The following TRAPPC3 variants were observed in gnomAD, a reference collection of about 807,000 sequenced individuals.
TRAPPC3 encodes trafficking protein particle complex subunit 3, also known as trafficking protein particle complex 3.
In TRAPPC3, 5 loss-of-function variants were observed where a neutral mutation model predicts 18.2. The ratio of observed to expected loss-of-function variants is 0.28; its 90% confidence interval spans 0.14 to 0.58. The LOEUF is 0.58. Ranked by LOEUF, TRAPPC3 falls within the 20% of genes least tolerant of loss-of-function variation. The pLI is 0.91. For missense variants in TRAPPC3, 176 were observed against 225.9 expected (o/e 0.78, Z 1.41); for synonymous variants, 65 against 84.2 (o/e 0.77, Z 1.25).
rs1170581737 is a variant in TRAPPC3 at position 36,145,979 on chromosome 1, C to T, written c.42+3358G>A. Among the ~76,000 whole-genome samples, 3 of 151,710 alleles carry T rather than the reference C, an allele frequency of 2.0e-5. No homozygotes were observed. In the East Asian group the frequency reaches 5.8e-4, roughly 30 times the overall value. On this transcript the variant is annotated intron_variant, in intron 1 of 4. Coordinates refer to ENST00000373166, the MANE Select transcript of TRAPPC3 (RefSeq NM_014408.5). ...ATTTTTAGTAGAGACAGGGTTTCACCGTGTTAGCCAGGATGGTCTCGATCT... is the reference window on the plus strand; with the variant it reads ...ATTTTTAGTAGAGACAGGGTTTCACTGTGTTAGCCAGGATGGTCTCGATCT...
intron 2 of TRAPPC3, 62 bp downstream of exon 2, chr1:36,140,007 A>G: frequency 6.7e-7 from 1 of 1,491,560 alleles, no homozygotes; most frequent in Non-Finnish European, 9.1e-7. Flanking sequence ...TCTAAAGGAC[A>G]ATGTAGACTC....
At chr1:36,140,614 A>G (rs1240684305) in intron 1 of TRAPPC3, 1 of 153,450 alleles carries the variant, frequency 6.5e-6, no homozygotes, top group Non-Finnish European at 1.5e-5. Flanking sequence ...GGCCTAGAGT[A>G]AACTGTACTC....
chr1:36,140,296 C>A, intron 1 of TRAPPC3, 130 bp from the exon 2 acceptor site: 1 of 584,162 alleles, frequency 1.7e-6, no homozygotes, highest in Non-Finnish European at 2.8e-6. Flanking sequence ...AACATCATCC[C>A]CTTTGGAGGA....
At chr1:36,146,418 T>G (rs1471339679) in intron 1 of TRAPPC3, among the ~76,000 whole-genome samples, 1 of 151,352 alleles carries the variant, frequency 6.6e-6, no homozygotes, top group Non-Finnish European at 1.5e-5. Flanking sequence ...TGCCTCAGCC[T>G]CCTGAGTAGC....
chr1:36,153,243 C>G (rs1644284707), upstream of TRAPPC3, among the ~76,000 whole-genome samples: 1 of 152,190 alleles, frequency 6.6e-6, no homozygotes, highest in African/African-American at 2.4e-5. Context: ...GCCCCAAACT[C>G]AGAGAGAGAC....
intron 1 of TRAPPC3, among the ~76,000 whole-genome samples, chr1:36,144,289 C>CAAAAAAAAAA (rs58378686): frequency 1.0e-4 from 6 of 57,472 alleles, no homozygotes; most frequent in African/African-American, 3.6e-4. Flanking sequence ...ACCCTGTCTC[C>CAAAAAAAAAA]AAAAAAAAAA....
upstream of TRAPPC3, among the ~76,000 whole-genome samples, chr1:36,150,227 T>C (rs1417299389): frequency 6.6e-6 from 1 of 152,214 alleles, no homozygotes; most frequent in African/African-American, 2.4e-5. Flanking sequence ...TCAGTTGTTG[T>C]AAAGACTGGT....
upstream of TRAPPC3, among the ~76,000 whole-genome samples, chr1:36,149,950 CCTA>C (rs1403508889): frequency 6.6e-6 from 1 of 152,216 alleles, no homozygotes; most frequent in Admixed American, 6.5e-5. Context: ...TATTTAATGA[CCTA>C]CTATGTGCCA....
intron 1 of TRAPPC3, among the ~76,000 whole-genome samples, chr1:36,141,958 CAAAAAAAAAAAAA>C (rs71053907): frequency 0.03 from 1,919 of 64,368 alleles, 66 homozygotes; most frequent in African/African-American, 0.11. Flanking sequence ...ATTCCGTCTC[CAAAAAAAAAAAAA>C]AAAAAAAAAA....
At chr1:36,149,135 G>C in intron 1 of TRAPPC3, 1 of 1,451,872 alleles carries the variant, frequency 6.9e-7, no homozygotes, top group Admixed American at 2.6e-5. Context: ...TCAGGCCTTG[G>C]GGGCGGGGTC....
chr1:36,151,668 A>G (rs1644272550), upstream of TRAPPC3, among the ~76,000 whole-genome samples: 1 of 152,176 alleles, frequency 6.6e-6, no homozygotes, highest in Non-Finnish European at 1.5e-5. Context: ...GATTCTCAGT[A>G]TGGTTTCCAT....
upstream of TRAPPC3, among the ~76,000 whole-genome samples, chr1:36,150,248 T>C (rs1395783807): frequency 6.6e-6 from 1 of 152,244 alleles, no homozygotes; most frequent in Admixed American, 6.5e-5. Flanking sequence ...GAGCCACGCA[T>C]GCCCAGCACT....
upstream of TRAPPC3, among the ~76,000 whole-genome samples, chr1:36,151,753 C>T (rs1454779590): frequency 1.3e-5 from 2 of 152,194 alleles, no homozygotes; most frequent in East Asian, 3.8e-4. Context: ...CCCCTCACCA[C>T]CCTCTTCTCC....
intron 1 of TRAPPC3, among the ~76,000 whole-genome samples, chr1:36,143,683 C>T (rs896279406): frequency 2.0e-5 from 3 of 152,148 alleles, no homozygotes; most frequent in East Asian, 1.9e-4. Flanking sequence ...ATAACAACCA[C>T]GAGAGGTTAG....
At chr1:36,153,581 G>A (rs1181518508), upstream of TRAPPC3, among the ~76,000 whole-genome samples, 1 of 152,172 alleles carries the variant, frequency 6.6e-6, no homozygotes, top group Non-Finnish European at 1.5e-5. Flanking sequence ...CTGACATTTT[G>A]CACCTGAGAA....
rs748978064 is a variant in TRAPPC3 at position 36,149,424 on chromosome 1, G to A, written c.-46C>T. 34 of 1,607,792 alleles carry A rather than the reference G, an allele frequency of 2.1e-5. No individual in the cohort carries two copies. Among genetic ancestry groups the A allele is most frequent in the Non-Finnish European group, 2.6e-5 (31 of 1,178,174 alleles). The stretch of plus-strand genomic sequence containing the variant: ...ACTCGCCTAGCCACGGGTTAGCTCG[G>A]CGACCCCTGCAGACGCCGGAGCCTA... On this transcript the variant is annotated 5_prime_UTR_variant, in exon 1 of 5. Coordinates refer to ENST00000373166, the MANE Select transcript of TRAPPC3 (RefSeq NM_014408.5).
At chr1:36,152,726 C>T (rs985524972), upstream of TRAPPC3, among the ~76,000 whole-genome samples, 7 of 152,156 alleles carry the variant, frequency 4.6e-5, no homozygotes, top group African/African-American at 1.7e-4. Flanking sequence ...ACATGGCTCA[C>T]TGCAGCCTTG....
chr1:36,137,275 T>C lies in TRAPPC3; in HGVS notation c.471A>G (p.Gly157=), dbSNP rs774683677. Residue 157 remains glycine (G), a synonymous_variant, in exon 5 of 5, where the codon GGA becomes GGG. Coordinates refer to ENST00000373166, the MANE Select transcript of TRAPPC3 (RefSeq NM_014408.5). The part of the protein sequence containing the change: ...EAKFVQDTLK[G]DGVTEIRMRF... ...TCATCCGGATTTCTGTCACACCGTC[T>C]CCTTTCAGGGTGTCCTGGACAAACT... 6 of 1,613,450 alleles carry C rather than the reference T, an allele frequency of 3.7e-6. No individual in the cohort carries two copies. The highest frequency in any genetic ancestry group is 5.1e-6 in the Non-Finnish European group (6 of 1,179,438).
intron 4 of TRAPPC3, 173 bp from the exon 5 acceptor site, chr1:36,137,495 C>T: frequency 1.5e-6 from 1 of 678,858 alleles, no homozygotes. Flanking sequence ...TGGCTCCAAC[C>T]CTTAAGGAGA....
Sources: gnomAD v4.1 joint callset for allele counts (sites outside exome capture counted in the v4.1 genomes callset) on GRCh38, gnomAD v4.1.1 for gene constraint, MANE v1.5 for transcripts, NCBI Gene and HGNC (gene_info 2026-07-23, HGNC 2026-07-21) for gene names.